Variants in TCF7L2 observed in about 807,000 individuals in gnomAD.
TCF7L2 encodes transcription factor 7-like 2.
A neutral mutation model predicts 77.9 loss-of-function variants in TCF7L2; 23 were observed. The ratio of observed to expected loss-of-function variants is 0.30; its 90% CI spans 0.21 to 0.42. TCF7L2 has a LOEUF of 0.42. Among genes scored for constraint, TCF7L2 ranks in the 10% least tolerant of loss-of-function variants. TCF7L2 has a pLI of 1.00. For missense variants in TCF7L2, 654 were observed against 793.1 expected (o/e 0.82, Z 2.11); for synonymous variants, 413 against 340.2 (o/e 1.21, Z -2.36).
intron 4 of TCF7L2, among the ~76,000 whole-genome samples, chr10:113,034,018 A>G (rs755102061): frequency 1.3e-5 from 2 of 152,232 alleles, no homozygotes; most frequent in Non-Finnish European, 2.9e-5. Context: ...TTCTGGGTAA[A>G]TTGGGATTCC....
intron 12 of TCF7L2, 21 bp from the exon 14 acceptor site, chr10:113,159,899 T>C: frequency 1.4e-6 from 2 of 1,380,354 alleles, no homozygotes; most frequent in East Asian, 3.8e-5. Flanking sequence ...CTCTGCTCGC[T>C]TCTCTCTTGA....
At chr10:113,119,645 T>C (rs2064434794) in intron 5 of TCF7L2, among the ~76,000 whole-genome samples, 1 of 150,176 alleles carries the variant, frequency 6.7e-6, no homozygotes, top group African/African-American at 2.4e-5. Context: ...AAAAGAAACA[T>C]TTTAGCCATG....
intron 4 of TCF7L2, among the ~76,000 whole-genome samples, chr10:113,011,169 C>G (rs2046389479): frequency 6.6e-6 from 1 of 152,012 alleles, no homozygotes; most frequent in Non-Finnish European, 1.5e-5. Flanking sequence ...GAGACTGGAA[C>G]AAAATATGGT....
At chr10:113,161,513 C>T in intron 13 of TCF7L2, 1 of 1,511,316 alleles carries the variant, frequency 6.6e-7, no homozygotes, top group Non-Finnish European at 8.9e-7. Flanking sequence ...TAGCTCCTGT[C>T]TCATTTCCTT....
At chr10:113,123,791 G>T (rs941898757) in intron 5 of TCF7L2, among the ~76,000 whole-genome samples, 1 of 152,142 alleles carries the variant, frequency 6.6e-6, no homozygotes, top group Non-Finnish European at 1.5e-5. Flanking sequence ...TCTTTGTAGC[G>T]TACCTTGACG....
intron 5 of TCF7L2, among the ~76,000 whole-genome samples, chr10:113,068,410 G>A (rs956811215): frequency 6.6e-6 from 1 of 152,228 alleles, no homozygotes; most frequent in African/African-American, 2.4e-5. Flanking sequence ...GCCCTCGTGA[G>A]CAAGCCAGGA....
intron 4 of TCF7L2, among the ~76,000 whole-genome samples, chr10:113,029,915 T>C (rs1462478072): frequency 7.9e-5 from 12 of 152,168 alleles, no homozygotes; most frequent in Non-Finnish European, 1.8e-4. Flanking sequence ...CATCTTAAAT[T>C]CACATATAAT....
At chr10:112,960,434 A>G (rs907663467) in intron 3 of TCF7L2, among the ~76,000 whole-genome samples, 16 of 152,158 alleles carry the variant, frequency 1.1e-4, no homozygotes, top group Admixed American at 6.5e-4. Flanking sequence ...ATTTGTGGGT[A>G]GTAGAATGGG....
In TCF7L2 at chr10:113,165,676, C is replaced by T. The variant is rs375657594; in HGVS notation, c.1513C>T (p.Arg505Ter). The change falls in exon 14 of 14, where the codon CGA (arginine) becomes TGA (stop). Residue 505 changes from arginine to a stop codon, truncating the protein, a stop_gained. Transcript: ENST00000627217. LOFTEE classifies it high-confidence loss of function. ...CCCGAACCTGCTAGGCTCCCCTCCCCGAGACGCCAAGTCACAGACTGAGCA... is the reference window on the plus strand; with the variant it reads ...CCCGAACCTGCTAGGCTCCCCTCCCTGAGACGCCAAGTCACAGACTGAGCA... 15 of 1,610,988 alleles carry T rather than the reference C, an allele frequency of 9.3e-6. No homozygotes were observed. The highest frequency in any genetic ancestry group is 3.4e-5 in the Admixed American group (2 of 59,660).
chr10:113,166,454 T>TC lies in TCF7L2; in HGVS notation c.*482_*483insC, dbSNP rs1359456798. 4.6e-6 allele frequency: 1 copy of TC among 217,018 alleles called. No individual in the cohort carries two copies. Among genetic ancestry groups the TC allele is most frequent in the Non-Finnish European group, 9.2e-6 (1 of 108,152 alleles). 13.4% of individuals were successfully genotyped at this position (217,018 alleles called of 1,614,324 possible). A position where few individuals can be genotyped will look rare whatever the true frequency, so the allele number is the denominator to read the frequency against. On this transcript the variant is annotated 3_prime_UTR_variant, in exon 14 of 14. Coordinates refer to ENST00000627217, the MANE Select transcript of TCF7L2 (RefSeq NM_001146274.2). The stretch of plus-strand genomic sequence containing the variant: ...CACCATGAATGCAGTGCCGTTACTT[T>TC]TTTTTTTTTTTTCTGTGTGAAACAA...
chr10:113,008,539 GTAT>G (rs1381916507), intron 4 of TCF7L2, among the ~76,000 whole-genome samples: 1 of 152,158 alleles, frequency 6.6e-6, no homozygotes, highest in Non-Finnish European at 1.5e-5. Flanking sequence ...TGGCATAACT[GTAT>G]ACTACCTGTG....
rs2134191982 is a variant in TCF7L2, at chr10:112,951,273, G to GGTGA, written c.256+3_256+6dup. 1 of 1,497,942 alleles carries GGTGA rather than the reference G, an allele frequency of 6.7e-7. No individual in the cohort carries two copies. Among genetic ancestry groups the GGTGA allele is most frequent in the East Asian group, 2.8e-5 (1 of 35,112 alleles). The allele number at this position is 1,497,942 out of a possible 1,614,324, so 92.8% of individuals were successfully genotyped here. A position where few individuals can be genotyped will look rare whatever the true frequency, so the allele number is the denominator to read the frequency against. On this transcript the variant is annotated frameshift_variant and splice_region_variant. Coordinates refer to ENST00000627217, the MANE Select transcript of TCF7L2 (RefSeq NM_001146274.2). LOFTEE classifies it high-confidence loss of function. The stretch of plus-strand genomic sequence containing the variant: ...CAAATCCCGGGAAAGTTTGGAAGAA[G>GGTGA]GTGAGTACGCCCCGCGCGCCCCGCA...
intron 4 of TCF7L2, among the ~76,000 whole-genome samples, chr10:113,020,025 T>C (rs2048026375): frequency 6.6e-6 from 1 of 152,172 alleles, no homozygotes; most frequent in Non-Finnish European, 1.5e-5. Flanking sequence ...AAAGCAGGAA[T>C]AATAGGTGGT....
intron 2 of TCF7L2, 100 bp from the exon 3 acceptor site, chr10:112,951,383 C>T (rs1300212504): frequency 1.7e-6 from 2 of 1,149,864 alleles, no homozygotes; most frequent in South Asian, 1.8e-5. Context: ...CCGGCCCGGT[C>T]GGGGCGCCCG....
At chr10:113,091,722 A>G (rs1182360601) in intron 5 of TCF7L2, among the ~76,000 whole-genome samples, 1 of 152,210 alleles carries the variant, frequency 6.6e-6, no homozygotes, top group Non-Finnish European at 1.5e-5. Flanking sequence ...CTCCATCTCA[A>G]AATGTTTCTG....
intron 5 of TCF7L2, among the ~76,000 whole-genome samples, chr10:113,137,427 G>A (rs2067590331): frequency 6.6e-6 from 1 of 152,230 alleles, no homozygotes; most frequent in South Asian, 2.1e-4. Flanking sequence ...ACTCTGCGAG[G>A]TAGACACGAT....
At chr10:113,149,606 C>T (rs1243171404) in intron 8 of TCF7L2, among the ~76,000 whole-genome samples, 2 of 152,124 alleles carry the variant, frequency 1.3e-5, no homozygotes, top group African/African-American at 2.4e-5. Context: ...ATCTCTAGCC[C>T]GCTTCTGGAA....
chr10:113,159,444 C>A (rs955376764), intron 12 of TCF7L2, among the ~76,000 whole-genome samples: 1 of 151,038 alleles, frequency 6.6e-6, no homozygotes, highest in Non-Finnish European at 1.5e-5. Flanking sequence ...TAATTTTTTT[C>A]TTTTTTTAAA....
chr10:113,117,453 C>G (rs2063992774), intron 5 of TCF7L2, among the ~76,000 whole-genome samples: 1 of 110,706 alleles, frequency 9.0e-6, no homozygotes, highest in Admixed American at 1.1e-4. Flanking sequence ...CTCTCTCTCT[C>G]TCTCTTCTCC....
Sources: gnomAD v4.1 joint callset for allele counts (sites outside exome capture counted in the v4.1 genomes callset) on GRCh38, gnomAD v4.1.1 for gene constraint, MANE v1.5 for transcripts, NCBI Gene and HGNC (gene_info 2026-07-23, HGNC 2026-07-21) for gene names.